The following SEMA3A variants were observed in gnomAD, a reference collection of about 807,000 sequenced individuals.
SEMA3A encodes the protein semaphorin-3A.
SEMA3A carries 29 observed loss-of-function variants against 97.9 expected under a neutral mutation model. That is an observed-to-expected ratio of 0.30 (90% CI 0.22 to 0.40). SEMA3A has a LOEUF of 0.40. SEMA3A is among the 10% of genes least tolerant of loss of function. The probability of loss-of-function intolerance (pLI) is 1.00; values close to 1 mark genes in which losing one functional copy is unlikely to be tolerated. For missense variants in SEMA3A, 763 were observed against 951.3 expected (o/e 0.80, Z 2.60); for synonymous variants, 321 against 323.7 (o/e 0.99, Z 0.09).
At position 84,380,695 on chromosome 7, in the gene SEMA3A, T is replaced by G. The variant is rs151064137; in HGVS notation, c.-245-8795A>C. On this transcript the variant is annotated intron_variant, in intron 1 of 3. Transcript: ENST00000424555. ...TTCTATAGGTCAGAAGTCTGCAACT[T>G]TAACTAAAATCAAGGAGTCAGCAGG... Among the ~76,000 whole-genome samples, 354 of 152,258 alleles carry G rather than the reference T, an allele frequency of 2.3e-3. 1 individual carries two copies. Among genetic ancestry groups the G allele is most frequent in the African/African-American group, 7.9e-3 (330 of 41,548 alleles).
intron 4 of SEMA3A, among the ~76,000 whole-genome samples, chr7:84,063,848 G>A (rs1793360725): frequency 6.7e-6 from 1 of 149,718 alleles, no homozygotes; most frequent in Non-Finnish European, 1.5e-5. Context: ...ACACTCTGCA[G>A]GATATTATCC....
At chr7:84,209,698 T>C (rs1376073604) in intron 3 of SEMA3A, among the ~76,000 whole-genome samples, 2 of 152,170 alleles carry the variant, frequency 1.3e-5, no homozygotes, top group Non-Finnish European at 2.9e-5. Context: ...GTAATTTTAG[T>C]TGGATAATAA....
chr7:84,180,687 C>T (rs1479759768), intron 1 of SEMA3A, among the ~76,000 whole-genome samples: 2 of 151,874 alleles, frequency 1.3e-5, no homozygotes, highest in Admixed American at 1.3e-4. Flanking sequence ...GACGTCATCT[C>T]AAATAATAAA....
intron 3 of SEMA3A, among the ~76,000 whole-genome samples, chr7:84,205,837 G>A (rs1020534819): frequency 6.6e-6 from 1 of 152,162 alleles, no homozygotes; most frequent in African/African-American, 2.4e-5. Flanking sequence ...ACTTTCAAAT[G>A]TGAATTCAAT....
chr7:84,486,378 T>C (rs1562962814), intron 1 of SEMA3A, among the ~76,000 whole-genome samples: 1 of 152,088 alleles, frequency 6.6e-6, no homozygotes, highest in Non-Finnish European at 1.5e-5. Flanking sequence ...CAGGGCGAGA[T>C]TCTGTCTCAA....
chr7:84,027,762 A>C (rs1174068615), intron 6 of SEMA3A, among the ~76,000 whole-genome samples: 1 of 152,214 alleles, frequency 6.6e-6, no homozygotes, highest in Non-Finnish European at 1.5e-5. Context: ...TTACTGTGTG[A>C]CCATGAGCAA....
chr7:84,439,492 T>C (rs1303215962), intron 1 of SEMA3A, among the ~76,000 whole-genome samples: 1 of 152,194 alleles, frequency 6.6e-6, no homozygotes, highest in Non-Finnish European at 1.5e-5. Flanking sequence ...AAGGCAGCAG[T>C]TATGATTATT....
intron 1 of SEMA3A, among the ~76,000 whole-genome samples, chr7:84,144,658 C>T (rs966365099): frequency 1.3e-5 from 2 of 152,228 alleles, no homozygotes; most frequent in Middle Eastern, 3.4e-3. Flanking sequence ...AAAAGCAATT[C>T]ACACAAATAA....
At chr7:84,175,670 G>A (rs186461223) in intron 1 of SEMA3A, among the ~76,000 whole-genome samples, 1 of 152,252 alleles carries the variant, frequency 6.6e-6, no homozygotes, top group Admixed American at 6.5e-5. Context: ...GTATGAAACA[G>A]ACAAATGGTT....
chr7:84,404,548 A>G (rs1224157063), intron 1 of SEMA3A, among the ~76,000 whole-genome samples: 1 of 152,192 alleles, frequency 6.6e-6, no homozygotes, highest in Non-Finnish European at 1.5e-5. Flanking sequence ...AGAGAATGCC[A>G]CAGAGATACT....
At chr7:84,398,164 G>A (rs1354906179) in intron 1 of SEMA3A, among the ~76,000 whole-genome samples, 1 of 151,980 alleles carries the variant, frequency 6.6e-6, no homozygotes, top group Non-Finnish European at 1.5e-5. Flanking sequence ...TATTCTAACT[G>A]CTTCCTCATT....
chr7:84,279,453 T>TAA (rs71078819), intron 3 of SEMA3A, among the ~76,000 whole-genome samples: 67 of 151,400 alleles, frequency 4.4e-4, no homozygotes, highest in Non-Finnish European at 7.1e-4. Context: ...CCTATAATCT[T>TAA]AAAAAAAATG....
intron 6 of SEMA3A, among the ~76,000 whole-genome samples, chr7:84,045,030 T>C (rs988454260): frequency 6.6e-6 from 1 of 152,004 alleles, no homozygotes; most frequent in African/African-American, 2.4e-5. Context: ...AGGTATGTTT[T>C]ATGTTTTGAG....
chr7:84,055,405 G>A (rs1562737742), intron 5 of SEMA3A, among the ~76,000 whole-genome samples: 1 of 152,214 alleles, frequency 6.6e-6, no homozygotes, highest in Non-Finnish European at 1.5e-5. Flanking sequence ...ATAGTCTCCT[G>A]GTGCGCCGTT....
chr7:84,087,988 G>A (rs1428855284), intron 4 of SEMA3A, among the ~76,000 whole-genome samples: 2 of 152,072 alleles, frequency 1.3e-5, no homozygotes, highest in Non-Finnish European at 2.9e-5. Context: ...AAATATCCCT[G>A]TTTTAGGGAT....
At chr7:84,269,424 C>G (rs577187299) in intron 3 of SEMA3A, among the ~76,000 whole-genome samples, 1 of 151,998 alleles carries the variant, frequency 6.6e-6, no homozygotes, top group Non-Finnish European at 1.5e-5. Context: ...ATGGGAATTA[C>G]GTGAGGTTAG....
chr7:84,447,807 G>C (rs1055820554), intron 1 of SEMA3A, among the ~76,000 whole-genome samples: 1 of 152,232 alleles, frequency 6.6e-6, no homozygotes, highest in Admixed American at 6.5e-5. Flanking sequence ...GCTATGAGGA[G>C]AGAAGTGCTG....
chr7:84,210,450 G>A (rs552701181), intron 3 of SEMA3A, among the ~76,000 whole-genome samples: 1 of 152,198 alleles, frequency 6.6e-6, no homozygotes, highest in Admixed American at 6.5e-5. Context: ...GAGCGTGTGT[G>A]AGTGCAGGAA....
At chr7:84,107,724 G>A (rs1795152747) in intron 4 of SEMA3A, among the ~76,000 whole-genome samples, 1 of 152,100 alleles carries the variant, frequency 6.6e-6, no homozygotes, top group South Asian at 2.1e-4. Context: ...GTTGATGAGT[G>A]GAAGAGGAAC....
Sources: allele counts gnomAD v4.1 joint callset (sites outside exome capture counted in the v4.1 genomes callset), GRCh38; gene constraint gnomAD v4.1.1; transcripts MANE v1.5; gene names NCBI Gene and HGNC (gene_info 2026-07-23, HGNC 2026-07-21).